The following EYA2 variants were observed in gnomAD, a reference collection of about 807,000 sequenced individuals.
The protein encoded by EYA2 is protein phosphatase EYA2.
In EYA2, 31 loss-of-function variants were observed where a neutral mutation model predicts 69.2. The ratio of observed to expected loss-of-function variants is 0.45; its 90% CI spans 0.34 to 0.60. EYA2 has a LOEUF of 0.60. EYA2 is among the 20% of genes least tolerant of loss of function. The pLI, the probability that EYA2 is intolerant of heterozygous loss-of-function variation, is 0.02. For missense variants in EYA2, 622 were observed against 701.2 expected, an observed-to-expected ratio of 0.89 and a Z score of 1.28; for synonymous variants, 257 against 279.4, an observed-to-expected ratio of 0.92 and a Z score of 0.80.
chr20:47,044,276 A>G (rs2029916175), intron 5 of EYA2, among the ~76,000 whole-genome samples: 1 of 151,972 alleles, frequency 6.6e-6, no homozygotes, highest in Non-Finnish European at 1.5e-5. Flanking sequence ...CCCTTCCAAG[A>G]ACCACAGATA....
intron 9 of EYA2, among the ~76,000 whole-genome samples, chr20:47,113,151 G>A (rs2032797461): frequency 1.3e-5 from 2 of 152,084 alleles, no homozygotes; most frequent in Admixed American, 6.6e-5. Context: ...GGGATTACAG[G>A]TGTGAGCCAC....
At chr20:46,976,039 G>A (rs1980438801) in intron 1 of EYA2, among the ~76,000 whole-genome samples, 1 of 152,044 alleles carries the variant, frequency 6.6e-6, no homozygotes, top group South Asian at 2.1e-4. Flanking sequence ...CTCTGAATAG[G>A]CTGCTGGGGA....
At chr20:46,969,497 CTT>C (rs1600592402) in intron 1 of EYA2, among the ~76,000 whole-genome samples, 3 of 152,328 alleles carry the variant, frequency 2.0e-5, no homozygotes, top group East Asian at 1.9e-4. Context: ...ATAGATTTCT[CTT>C]GTTTCTTTCA....
At chr20:47,060,851 CTTTTT>C (rs35809050) in intron 5 of EYA2, among the ~76,000 whole-genome samples, 2 of 125,696 alleles carry the variant, frequency 1.6e-5, no homozygotes, top group Admixed American at 8.2e-5. Flanking sequence ...CTCTCTCTCT[CTTTTT>C]TTTTTTTTTT....
At chr20:47,045,422 C>T (rs1356668669) in intron 5 of EYA2, among the ~76,000 whole-genome samples, 2 of 152,148 alleles carry the variant, frequency 1.3e-5, no homozygotes, top group African/African-American at 4.8e-5. Flanking sequence ...TGCTGTTGGT[C>T]AGAGCAAGTC....
At chr20:46,987,623 G>T (rs989517909) in intron 1 of EYA2, among the ~76,000 whole-genome samples, 2 of 152,072 alleles carry the variant, frequency 1.3e-5, no homozygotes, top group Non-Finnish European at 1.5e-5. Context: ...GTTAACTACA[G>T]ATCAAAAATA....
chr20:47,033,095 G>C (rs952331848), intron 5 of EYA2, among the ~76,000 whole-genome samples: 2 of 152,196 alleles, frequency 1.3e-5, no homozygotes, highest in African/African-American at 2.4e-5. Context: ...CAACCCCCAA[G>C]ACCATAGCTC....
intron 8 of EYA2, among the ~76,000 whole-genome samples, chr20:47,095,019 A>AC (rs2032206553): frequency 6.6e-6 from 1 of 152,092 alleles, no homozygotes; most frequent in Non-Finnish European, 1.5e-5. Context: ...GTCTCAAAAA[A>AC]AATTTTTTTA....
intron 3 of EYA2, among the ~76,000 whole-genome samples, chr20:47,002,274 G>A (rs1199157516): frequency 6.6e-6 from 1 of 151,970 alleles, no homozygotes; most frequent in African/African-American, 2.4e-5. Context: ...CATGTGCCAT[G>A]GTGGTTTGCT....
chr20:47,085,952 A>C (rs1432794723), intron 7 of EYA2, among the ~76,000 whole-genome samples: 1 of 152,082 alleles, frequency 6.6e-6, no homozygotes, highest in Non-Finnish European at 1.5e-5. Context: ...GTCAAAACTT[A>C]AGAAATTGTG....
intron 9 of EYA2, among the ~76,000 whole-genome samples, chr20:47,134,955 G>A (rs1261652864): frequency 4.6e-5 from 7 of 151,694 alleles, no homozygotes; most frequent in Non-Finnish European, 8.8e-5. Flanking sequence ...GTGAAACCCC[G>A]TCTCTACTAA....
chr20:47,018,021 A>G (rs531488426), intron 5 of EYA2, among the ~76,000 whole-genome samples: 3 of 152,334 alleles, frequency 2.0e-5, no homozygotes, highest in South Asian at 4.1e-4. Context: ...TCTGAGGCCC[A>G]CTGAAGGGAG....
intron 9 of EYA2, among the ~76,000 whole-genome samples, chr20:47,106,174 A>G (rs2032574163): frequency 6.6e-6 from 1 of 152,130 alleles, no homozygotes; most frequent in Non-Finnish European, 1.5e-5. Flanking sequence ...AAATGTTTTG[A>G]TAAGTGTATG....
At chr20:46,940,698 C>T (rs74562049) in intron 1 of EYA2, among the ~76,000 whole-genome samples, 8,589 of 152,248 alleles carry the variant, frequency 0.056, 734 homozygotes, top group African/African-American at 0.19. Context: ...GCACAGCGCT[C>T]CGGGAGGGAA....
intron 9 of EYA2, among the ~76,000 whole-genome samples, chr20:47,123,739 C>T (rs900713714): frequency 5.9e-5 from 9 of 152,044 alleles, no homozygotes; most frequent in African/African-American, 2.2e-4. Flanking sequence ...GCCTGTAATC[C>T]CAGCACTTTG....
chr20:46,990,084 C>G lies in EYA2; in HGVS notation c.74C>G (p.Ala25Gly), dbSNP rs1439712924. ...CTGGATAAACTGAAGTTTAACCGTG[C>G]TGACGCTGCTGTGTGGACTCTGAGT... ...DCLDKLKFNR[A>G]DAAVWTLSDR... The change falls in exon 2 of 16, where the codon GCT becomes GGT. Residue 25 changes from alanine (A) to glycine (G), a missense_variant. This residue lies in a region of EYA2 where 365 missense variants were observed against 349.7 expected (regional missense o/e 1.04). Coordinates refer to ENST00000327619, the MANE Select transcript of EYA2 (RefSeq NM_005244.5). The G allele has an allele frequency of 6.2e-7, 1 of 1,612,166 alleles. No individual in the cohort carries two copies.
At chr20:47,166,057 C>G (rs3092023) in intron 10 of EYA2, among the ~76,000 whole-genome samples, 2 of 151,638 alleles carry the variant, frequency 1.3e-5, no homozygotes, top group African/African-American at 2.4e-5. Context: ...ATGAATGAGG[C>G]AGGGGCTTCC....
rs578104701 is a variant in EYA2, at chr20:46,980,815, C to G, written c.-10-9186C>G. On this transcript the variant is annotated intron_variant, in intron 1 of 15. Transcript: ENST00000327619. ...AGTCTACTCTCTATCTTCATGAGAT[C>G]TACTTTTTTAGCTCCCACATGTGAT... Among the ~76,000 whole-genome samples the G allele has an allele frequency of 2.6e-5, 4 of 152,312 alleles. No individual in the cohort carries two copies. The East Asian group carries it at 7.7e-4, about 29-fold the overall frequency.
intron 1 of EYA2, among the ~76,000 whole-genome samples, chr20:46,949,349 A>G (rs1978662368): frequency 6.6e-6 from 1 of 152,238 alleles, no homozygotes; most frequent in Non-Finnish European, 1.5e-5. Context: ...TAACACTTTA[A>G]CAGCTGTCCT....
Sources: allele counts gnomAD v4.1 joint callset (sites outside exome capture counted in the v4.1 genomes callset), GRCh38; gene constraint gnomAD v4.1.1; regional missense constraint gnomAD v4.1.1; transcripts MANE v1.5; gene names NCBI Gene and HGNC (gene_info 2026-07-23, HGNC 2026-07-21).